The following HSD11B1 variants were observed in gnomAD, a reference collection of about 807,000 sequenced individuals.
The protein encoded by HSD11B1 is 11-beta-hydroxysteroid dehydrogenase 1.
Under a neutral mutation model 22.1 loss-of-function variants are expected in HSD11B1, and 15 were observed. The observed-to-expected ratio is 0.68, with a 90% CI of 0.45 to 1.04. The LOEUF (loss-of-function observed/expected upper bound fraction) is 1.04. Ranked by LOEUF, HSD11B1 falls within the 50% of genes least tolerant of loss-of-function variation. HSD11B1 has a pLI of 0.00. For synonymous variants in HSD11B1, 122 were observed against 125.2 expected (o/e 0.97, Z 0.17); for missense variants, 281 against 357.6 (o/e 0.79, Z 1.73).
At chr1:209,731,469 C>T (rs1309570221) in intron 4 of HSD11B1, among the ~76,000 whole-genome samples, 2 of 152,116 alleles carry the variant, frequency 1.3e-5, no homozygotes, top group African/African-American at 4.8e-5. Context: ...AAAGATCAAT[C>T]TTAAAATTAC....
Position 209,734,441 on chromosome 1 carries a change from C to T in HSD11B1, c.799C>T (p.Leu267=). Residue 267 remains leucine (L), a synonymous_variant, in exon 6 of 6, where the codon CTG becomes TTG. Coordinates refer to ENST00000367027, the MANE Select transcript of HSD11B1 (RefSeq NM_005525.4). ...TGACAGCTCACTCTGGACCACTCTT[C>T]TGATCAGAAATCCATGCAGGAAGAT... ...YYDSSLWTTL[L]IRNPCRKILE... 2.5e-6 allele frequency: 4 copies of T among 1,614,150 alleles called. No homozygotes were observed. Among genetic ancestry groups the T allele is most frequent in the Non-Finnish European group, 2.5e-6 (3 of 1,179,990 alleles).
chr1:209,731,839 C>T (rs1007713880), intron 4 of HSD11B1, among the ~76,000 whole-genome samples: 9 of 152,128 alleles, frequency 5.9e-5, no homozygotes, highest in Non-Finnish European at 1.2e-4. Context: ...CTCAGCCTCC[C>T]GAGTAGCTAG....
chr1:209,690,719 A>C (rs1251878074), intron 1 of HSD11B1, among the ~76,000 whole-genome samples: 2 of 152,100 alleles, frequency 1.3e-5, no homozygotes, highest in African/African-American at 4.8e-5. Flanking sequence ...TAATTAATTA[A>C]AATTAAACTT....
intron 1 of HSD11B1, among the ~76,000 whole-genome samples, chr1:209,693,043 G>C (rs1001382405): frequency 5.9e-5 from 9 of 152,088 alleles, no homozygotes; most frequent in Admixed American, 2.0e-4. Flanking sequence ...TGACGGCATT[G>C]CCAGAAATTA....
intron 1 of HSD11B1, among the ~76,000 whole-genome samples, chr1:209,693,481 C>G (rs898026498): frequency 2.6e-5 from 4 of 152,188 alleles, no homozygotes; most frequent in Non-Finnish European, 5.9e-5. Context: ...GACTAAAAAG[C>G]TCACTGAATT....
chr1:209,728,944 A>G (rs1195716719), intron 4 of HSD11B1, among the ~76,000 whole-genome samples: 3 of 152,228 alleles, frequency 2.0e-5, no homozygotes, highest in African/African-American at 4.8e-5. Context: ...TCATACCTGC[A>G]GTTAGGAATG....
Position 209,687,932 on chromosome 1 carries a change from C to A in HSD11B1, c.-49+1647C>A, listed in dbSNP as rs896066663. ...TGAGAGAACTAGAATATTTTACATT[C>A]CTACCATTGATCAGCATTTTACATG... On this transcript the variant is annotated intron_variant, in intron 1 of 6. Transcript: ENST00000261465. Among the ~76,000 whole-genome samples the A allele has an allele frequency of 1.6e-3, 244 of 152,330 alleles. 3 individuals are homozygous for A. Among genetic ancestry groups the A allele is most frequent in the African/African-American group, 5.7e-3 (235 of 41,586 alleles).
At chr1:209,697,127 T>A (rs1383901886) in intron 1 of HSD11B1, among the ~76,000 whole-genome samples, 2 of 152,178 alleles carry the variant, frequency 1.3e-5, no homozygotes, top group Non-Finnish European at 2.9e-5. Flanking sequence ...AAGATGTGCC[T>A]CTGCTTGCCT....
intron 1 of HSD11B1, among the ~76,000 whole-genome samples, chr1:209,697,725 A>C (rs996618311): frequency 2.6e-5 from 4 of 152,096 alleles, no homozygotes; most frequent in African/African-American, 9.7e-5. Flanking sequence ...CCAGATGGCT[A>C]TCAGTAGGCA....
chr1:209,697,884 C>CTTTTTGTTTTTTTTTTTTTTTT (rs2076800559), intron 1 of HSD11B1, among the ~76,000 whole-genome samples: 2 of 41,586 alleles, frequency 4.8e-5, no homozygotes, highest in Non-Finnish European at 8.9e-5. Flanking sequence ...TTGTTTTTTC[C>CTTTTTGTTTTTTTTTTTTTTTT]TTTTTTTTTT....
chr1:209,720,267 A>G (rs1222482929), intron 4 of HSD11B1, among the ~76,000 whole-genome samples: 3 of 152,188 alleles, frequency 2.0e-5, no homozygotes, highest in East Asian at 1.9e-4. Context: ...GAAAACATGT[A>G]TCATTTGATG....
intron 4 of HSD11B1, among the ~76,000 whole-genome samples, chr1:209,720,046 A>G (rs1427354507): frequency 2.0e-5 from 3 of 152,200 alleles, no homozygotes; most frequent in African/African-American, 7.2e-5. Flanking sequence ...ATGTGTACCT[A>G]TGTAACAAAC....
chr1:209,703,905 A>G (rs1168549077), upstream of HSD11B1, among the ~76,000 whole-genome samples: 1 of 152,192 alleles, frequency 6.6e-6, no homozygotes, highest in Non-Finnish European at 1.5e-5. Flanking sequence ...ATTATTCCTT[A>G]ATGAATTCGT....
rs147032418 is a variant in HSD11B1, at chr1:209,715,247, TG to T, written c.517+8121del. Among the ~76,000 whole-genome samples, 1,097 of 152,268 alleles carry T rather than the reference TG, an allele frequency of 7.2e-3. 8 individuals carry two copies. The highest frequency in any genetic ancestry group is 0.024 in the African/African-American group (1,007 of 41,564). ...GAATCCTCTAGTGTTGGATTGCAAT[TG>T]GAAGTGTGGGTATGAATTAATAGTT... On this transcript the variant is annotated intron_variant, in intron 4 of 5. Coordinates refer to ENST00000367027, the MANE Select transcript of HSD11B1 (RefSeq NM_005525.4).
intron 4 of HSD11B1, among the ~76,000 whole-genome samples, chr1:209,708,256 A>G (rs1295530575): frequency 6.6e-6 from 1 of 152,244 alleles, no homozygotes; most frequent in African/African-American, 2.4e-5. Context: ...TGCAAACACC[A>G]GGATCAAAAT....
intron 1 of HSD11B1, among the ~76,000 whole-genome samples, chr1:209,705,372 C>CAA (rs5780533): frequency 0.019 from 1,596 of 82,872 alleles, 47 homozygotes; most frequent in African/African-American, 0.029. Flanking sequence ...AAGTGGGAGG[C>CAA]AAAAAAAAAA....
chr1:209,693,615 C>G (rs1439290398), intron 1 of HSD11B1, among the ~76,000 whole-genome samples: 1 of 152,218 alleles, frequency 6.6e-6, no homozygotes, highest in African/African-American at 2.4e-5. Flanking sequence ...TAAATCATAT[C>G]CTTCCAGTGA....
At chr1:209,694,194 C>T (rs989757626) in intron 1 of HSD11B1, among the ~76,000 whole-genome samples, 1 of 152,212 alleles carries the variant, frequency 6.6e-6, no homozygotes, top group African/African-American at 2.4e-5. Flanking sequence ...GACCTTTCTT[C>T]TGAGTTCCAA....
chr1:209,732,426 T>C lies in HSD11B1; in HGVS notation c.518-10T>C. The C allele has an allele frequency of 6.2e-7, 1 of 1,614,072 alleles. No individual in the cohort carries two copies. Among genetic ancestry groups the C allele is most frequent in the Non-Finnish European group, 8.5e-7 (1 of 1,179,966 alleles). On this transcript the variant is annotated splice_polypyrimidine_tract_variant and intron_variant, in intron 4 of 5. Coordinates refer to ENST00000367027, the MANE Select transcript of HSD11B1 (RefSeq NM_005525.4). ...GCCTTATTAACCCATTTCTTTAATC[T>C]GTCATTTAGGGAAAGTGGCTTATCC...
Sources: allele counts gnomAD v4.1 joint callset (sites outside exome capture counted in the v4.1 genomes callset), GRCh38; gene constraint gnomAD v4.1.1; transcripts MANE v1.5; gene names NCBI Gene and HGNC (gene_info 2026-07-23, HGNC 2026-07-21).